SBF2: variants seen among roughly 807,000 people sequenced by gnomAD.
The protein encoded by SBF2 is SET binding factor 2.
In SBF2, 112 loss-of-function variants were observed where a neutral mutation model predicts 225.2. The observed-to-expected ratio is 0.50, with a 90% CI of 0.43 to 0.58. SBF2 has a LOEUF of 0.58. SBF2 is among the 20% of genes least tolerant of loss of function. SBF2 has a pLI of 0.00. For missense variants in SBF2, 1,996 were observed against 2,206.2 expected (o/e 0.90, Z 1.91); for synonymous variants, 763 against 773.3 (o/e 0.99, Z 0.22).
chr11:9,963,625 A>G (rs1382067763), intron 15 of SBF2, 148 bp downstream of exon 15: 1 of 604,090 alleles, frequency 1.7e-6, no homozygotes, highest in East Asian at 2.8e-5. Flanking sequence ...AATCTTAGAC[A>G]CTATTCATTT....
chr11:9,784,319 G>A, intron 38 of SBF2, 32 bp downstream of exon 38: 1 of 1,501,266 alleles, frequency 6.7e-7, no homozygotes, highest in Non-Finnish European at 9.3e-7. Context: ...AGCCTAGACA[G>A]AAGTAATTTC....
chr11:10,237,947 A>G (rs960512537), intron 1 of SBF2, among the ~76,000 whole-genome samples: 1 of 152,208 alleles, frequency 6.6e-6, no homozygotes, highest in African/African-American at 2.4e-5. Context: ...ACTGAAAGAC[A>G]TTTGGGCTGT....
chr11:10,099,234 G>A (rs1005744833), intron 2 of SBF2, among the ~76,000 whole-genome samples: 4 of 152,216 alleles, frequency 2.6e-5, no homozygotes, highest in Non-Finnish European at 5.9e-5. Flanking sequence ...TGACTCATCA[G>A]AGACAAAGAA....
chr11:10,237,992 C>T (rs760981877), intron 1 of SBF2, among the ~76,000 whole-genome samples: 2 of 152,248 alleles, frequency 1.3e-5, no homozygotes, highest in African/African-American at 2.4e-5. Flanking sequence ...AAAGCTACTA[C>T]GAACATCCTT....
chr11:9,846,911 T>C (rs753245089), intron 23 of SBF2, 45 bp downstream of exon 23: 3 of 1,611,324 alleles, frequency 1.9e-6, no homozygotes, highest in South Asian at 2.2e-5. Context: ...CATTTGACTT[T>C]TGAAAATTTT....
intron 2 of SBF2, among the ~76,000 whole-genome samples, chr11:10,098,720 C>CACACACACAT (rs144970897): frequency 2.9e-5 from 4 of 140,260 alleles, no homozygotes; most frequent in African/African-American, 1.1e-4. Context: ...CACACACACA[C>CACACACACAT]GAAATTCTGG....
At chr11:10,028,780 GAC>G (rs941644873) in intron 5 of SBF2, among the ~76,000 whole-genome samples, 3 of 152,066 alleles carry the variant, frequency 2.0e-5, no homozygotes, top group African/African-American at 7.2e-5. Flanking sequence ...GTAGAGATAA[GAC>G]ACAAAAATCA....
intron 1 of SBF2, among the ~76,000 whole-genome samples, chr11:10,274,667 C>G (rs1413000328): frequency 6.6e-6 from 1 of 150,746 alleles, no homozygotes; most frequent in African/African-American, 2.4e-5. Context: ...AGGAGAATCG[C>G]TTGAACCTAG....
At chr11:9,976,072 C>CTTTTTTTTTTTTTT (rs773334975) in intron 13 of SBF2, among the ~76,000 whole-genome samples, 1 of 128,262 alleles carries the variant, frequency 7.8e-6, no homozygotes, top group Non-Finnish European at 1.6e-5. Context: ...TCTTCTTCTT[C>CTTTTTTTTTTTTTT]TTTTTTTTTT....
intron 17 of SBF2, among the ~76,000 whole-genome samples, chr11:9,875,411 T>C (rs1859143579): frequency 6.6e-6 from 1 of 152,238 alleles, no homozygotes; most frequent in South Asian, 2.1e-4. Context: ...TTTTTATTAA[T>C]GTCTAGTGGT....
chr11:9,893,019 T>C (rs936322554), intron 17 of SBF2, among the ~76,000 whole-genome samples: 4 of 152,200 alleles, frequency 2.6e-5, no homozygotes, highest in African/African-American at 9.7e-5. Context: ...CCTGTTATAG[T>C]AGCTTTTTAT....
intron 2 of SBF2, among the ~76,000 whole-genome samples, chr11:10,173,059 T>C (rs1237515544): frequency 6.6e-6 from 1 of 152,238 alleles, no homozygotes; most frequent in Non-Finnish European, 1.5e-5. Context: ...CCAAAATTCC[T>C]CTTTATTGAT....
intron 2 of SBF2, among the ~76,000 whole-genome samples, chr11:10,063,150 C>G (rs1950506997): frequency 6.6e-6 from 1 of 151,880 alleles, no homozygotes; most frequent in South Asian, 2.1e-4. Flanking sequence ...AAGGAAATAA[C>G]AGACACTGGG....
intron 2 of SBF2, among the ~76,000 whole-genome samples, chr11:10,114,618 G>C (rs556303442): frequency 6.6e-6 from 1 of 152,144 alleles, no homozygotes; most frequent in Non-Finnish European, 1.5e-5. Context: ...AATGAAAACC[G>C]ATGACATTTT....
chr11:10,007,896 G>C (rs116894058), intron 6 of SBF2, among the ~76,000 whole-genome samples: 5 of 152,170 alleles, frequency 3.3e-5, no homozygotes, highest in Admixed American at 2.6e-4. Context: ...AGAACTATGG[G>C]ACTTTATGGA....
intron 13 of SBF2, 150 bp from the exon 14 acceptor site, chr11:9,968,695 C>T: frequency 1.4e-6 from 1 of 710,816 alleles, no homozygotes; most frequent in Non-Finnish European, 2.6e-6. Flanking sequence ...CAAAATCTTA[C>T]TTCTTCTTAC....
chr11:9,997,808 T>A (rs1465463847), intron 9 of SBF2, among the ~76,000 whole-genome samples: 1 of 152,188 alleles, frequency 6.6e-6, no homozygotes, highest in African/African-American at 2.4e-5. Flanking sequence ...GGACACTTTA[T>A]GTATCAATAT....
At chr11:10,120,833 TGGTCTC>T (rs1953403607) in intron 2 of SBF2, among the ~76,000 whole-genome samples, 1 of 152,224 alleles carries the variant, frequency 6.6e-6, no homozygotes. Flanking sequence ...TTGATTAGGC[TGGTCTC>T]GAACTCCTGA....
At chr11:10,151,593 A>T (rs896551746) in intron 2 of SBF2, among the ~76,000 whole-genome samples, 1 of 152,244 alleles carries the variant, frequency 6.6e-6, no homozygotes, top group Non-Finnish European at 1.5e-5. Context: ...ATCTCTGTTC[A>T]TTTTAACTTA....
Sources: allele counts gnomAD v4.1 joint callset (sites outside exome capture counted in the v4.1 genomes callset), GRCh38; gene constraint gnomAD v4.1.1; transcripts MANE v1.5; gene names NCBI Gene and HGNC (gene_info 2026-07-23, HGNC 2026-07-21).